The following GTF2E1 variants were observed in gnomAD, a reference collection of about 807,000 sequenced individuals.
The protein encoded by GTF2E1 is general transcription factor IIE subunit 1.
A neutral mutation model predicts 34.9 loss-of-function variants in GTF2E1; 14 were observed. The observed-to-expected ratio is 0.40, with a 90% CI of 0.27 to 0.63. The LOEUF is 0.63. Among genes scored for constraint, GTF2E1 ranks in the 20% least tolerant of loss-of-function variants. The pLI is 0.39. For missense variants in GTF2E1, 469 were observed against 557.7 expected, an observed-to-expected ratio of 0.84 and a Z score of 1.60; for synonymous variants, 188 against 192.9, an observed-to-expected ratio of 0.97 and a Z score of 0.21.
intron 1 of GTF2E1, among the ~76,000 whole-genome samples, chr3:120,749,228 A>G (rs1447653500): frequency 1.3e-5 from 2 of 151,850 alleles, no homozygotes; most frequent in Non-Finnish European, 2.9e-5. Context: ...CTCTTTTCCT[A>G]ATTGAATACC....
At chr3:120,756,473 G>T (rs1468697178) in intron 2 of GTF2E1, among the ~76,000 whole-genome samples, 3 of 144,790 alleles carry the variant, frequency 2.1e-5, no homozygotes, top group African/African-American at 7.6e-5. Context: ...GGAGTAAGGG[G>T]GGGAAATTTA....
chr3:120,779,759 T>C (rs1473414277), intron 4 of GTF2E1, among the ~76,000 whole-genome samples: 2 of 152,202 alleles, frequency 1.3e-5, no homozygotes, highest in Non-Finnish European at 2.9e-5. Flanking sequence ...CACAGTAATC[T>C]AGTGAAGTAA....
intron 2 of GTF2E1, among the ~76,000 whole-genome samples, chr3:120,752,615 T>C (rs1254628290): frequency 2.0e-5 from 3 of 152,356 alleles, no homozygotes; most frequent in Admixed American, 2.0e-4. Flanking sequence ...GAATTTCACC[T>C]GGATTCTGAA....
At chr3:120,759,627 G>A (rs1709240463) in intron 2 of GTF2E1, among the ~76,000 whole-genome samples, 3 of 152,138 alleles carry the variant, frequency 2.0e-5, no homozygotes, top group African/African-American at 4.8e-5. Flanking sequence ...AAGGTGTAAG[G>A]AAGGGATTCA....
At position 120,750,801 on chromosome 3, in the gene GTF2E1, C is replaced by T. The variant is rs200777200; in HGVS notation, c.249C>T (p.Asp83=). 1.8e-4 allele frequency: 298 copies of T among 1,613,926 alleles called. 2 individuals are homozygous for T. The highest frequency in any genetic ancestry group is 7.0e-4 in the Admixed American group (42 of 59,962). ...GAATGAGGGTAGAGACTGCTGCAGA[C>T]GGGAAAACCACTCGCCATAACTACT... ...KCRMRVETAA[D]GKTTRHNYYF... Residue 83 remains aspartate, a synonymous_variant, in exon 2 of 5, where the codon GAC becomes GAT. Coordinates refer to ENST00000283875, the MANE Select transcript of GTF2E1 (RefSeq NM_005513.3).
At chr3:120,777,818 C>T (rs1314884589) in intron 4 of GTF2E1, among the ~76,000 whole-genome samples, 3 of 152,158 alleles carry the variant, frequency 2.0e-5, no homozygotes, top group Admixed American at 6.5e-5. Context: ...CTCTGCTTTC[C>T]GTGTTCAAGT....
At chr3:120,749,214 C>A (rs1272221508) in intron 1 of GTF2E1, among the ~76,000 whole-genome samples, 4 of 151,986 alleles carry the variant, frequency 2.6e-5, no homozygotes, top group Admixed American at 2.0e-4. Context: ...GACAATTTGA[C>A]TTCCTCTTTT....
At chr3:120,774,924 G>A (rs1709385679) in intron 3 of GTF2E1, among the ~76,000 whole-genome samples, 1 of 152,200 alleles carries the variant, frequency 6.6e-6, no homozygotes, top group South Asian at 2.1e-4. Flanking sequence ...GGCAACTGGA[G>A]ATAACATTAT....
intron 2 of GTF2E1, among the ~76,000 whole-genome samples, chr3:120,756,953 AC>A (rs1225804985): frequency 9.2e-5 from 14 of 152,140 alleles, no homozygotes; most frequent in Admixed American, 7.9e-4. Context: ...ACAAAAAAAA[AC>A]AATCTTTTAT....
rs900889779 is a variant in GTF2E1, at chr3:120,781,216, A to G, written c.1066A>G (p.Ser356Gly). 3.7e-6 allele frequency: 6 copies of G among 1,614,172 alleles called. No individual in the cohort carries two copies. Among genetic ancestry groups the G allele is most frequent in the Non-Finnish European group, 5.1e-6 (6 of 1,180,008 alleles). Residue 356 changes from serine to glycine, a missense_variant, in exon 5 of 5, where the codon AGC becomes GGC. Physicochemically the swap from Ser to Gly is moderately conservative, Grantham distance 56. Transcript: ENST00000283875. ...VTAANGSDSE[S>G]ETSESDDDSP... ...CGCTGCCAATGGCAGTGACTCAGAA[A>G]GCGAGACCAGTGAGTCAGATGATGA...
chr3:120,772,147 G>A (rs565999436), intron 3 of GTF2E1, among the ~76,000 whole-genome samples: 2 of 152,256 alleles, frequency 1.3e-5, no homozygotes, highest in South Asian at 2.1e-4. Context: ...AAAAGGGACC[G>A]TCCCTTCCTT....
At chr3:120,761,009 C>T (rs966979933) in intron 2 of GTF2E1, among the ~76,000 whole-genome samples, 3 of 152,144 alleles carry the variant, frequency 2.0e-5, no homozygotes, top group African/African-American at 7.2e-5. Flanking sequence ...GGTACCAGCT[C>T]CTCCTTGTAC....
chr3:120,744,522 C>T (rs1320791420), intron 1 of GTF2E1, among the ~76,000 whole-genome samples: 1 of 152,234 alleles, frequency 6.6e-6, no homozygotes, highest in Non-Finnish European at 1.5e-5. Flanking sequence ...TGCTCCTCGT[C>T]AGGGGTCACC....
intron 2 of GTF2E1, among the ~76,000 whole-genome samples, chr3:120,762,588 T>G (rs1276596416): frequency 6.6e-6 from 1 of 152,220 alleles, no homozygotes; most frequent in African/African-American, 2.4e-5. Context: ...AGAACACTTA[T>G]TATGTTGGGT....
At chr3:120,744,703 T>C (rs1477121429) in intron 1 of GTF2E1, among the ~76,000 whole-genome samples, 2 of 152,182 alleles carry the variant, frequency 1.3e-5, no homozygotes, top group Non-Finnish European at 2.9e-5. Context: ...TTTTTTGCCT[T>C]CTTAGTTTAG....
At chr3:120,746,945 CACA>C (rs1033989268) in intron 1 of GTF2E1, among the ~76,000 whole-genome samples, 1 of 152,160 alleles carries the variant, frequency 6.6e-6, no homozygotes, top group African/African-American at 2.4e-5. Flanking sequence ...TCTTATTAAT[CACA>C]ACAACTCCAC....
In GTF2E1 at chr3:120,781,140, A is replaced by G. The variant is rs1272743604; in HGVS notation, c.990A>G (p.Lys330=). The G allele has an allele frequency of 3.7e-6, 6 of 1,614,164 alleles. No homozygotes were observed. The highest frequency in any genetic ancestry group is 5.1e-6 in the Non-Finnish European group (6 of 1,180,006). ...TGCGAGCACTGCTCATTCACGAGAA[A>G]AAGACTTCCTCTGCCATGGCTGGTT... The part of the protein sequence containing the change: ...EVMRALLIHE[K]KTSSAMAGSV... Residue 330 remains lysine (K), a synonymous_variant, in exon 5 of 5, where the codon AAA becomes AAG. Transcript: ENST00000283875.
chr3:120,747,455 TTC>T (rs1235091644), intron 1 of GTF2E1, among the ~76,000 whole-genome samples: 1 of 152,110 alleles, frequency 6.6e-6, no homozygotes, highest in East Asian at 1.9e-4. Context: ...TGTCCATGTG[TTC>T]TCATTGTTCA....
At chr3:120,757,299 C>T (rs1709217870) in intron 2 of GTF2E1, among the ~76,000 whole-genome samples, 1 of 152,140 alleles carries the variant, frequency 6.6e-6, no homozygotes, top group Admixed American at 6.5e-5. Context: ...AGATAAATTC[C>T]TGTTTAAGGA....
Sources: allele counts gnomAD v4.1 joint callset (sites outside exome capture counted in the v4.1 genomes callset), GRCh38; gene constraint gnomAD v4.1.1; transcripts MANE v1.5; gene names NCBI Gene and HGNC (gene_info 2026-07-23, HGNC 2026-07-21).